The following RAC2 variants were observed in gnomAD, a reference collection of about 807,000 sequenced individuals.
RAC2 encodes Rac family small GTPase 2.
A neutral mutation model predicts 24.0 loss-of-function variants in RAC2; 1 was observed. The observed-to-expected ratio is 0.04, with a 90% confidence interval of 0.01 to 0.20. The LOEUF is 0.20. Ranked by LOEUF, RAC2 falls within the 10% of genes least tolerant of loss-of-function variation. RAC2 has a pLI of 1.00. For synonymous variants in RAC2, 114 were observed against 106.8 expected, an observed-to-expected ratio of 1.07 and a Z score of -0.41; for missense variants, 130 against 259.1, an observed-to-expected ratio of 0.50 and a Z score of 3.42.
Position 37,231,434 on chromosome 22 carries a change from G to A in RAC2, c.289-44C>T. 10 of 1,589,584 alleles carry A rather than the reference G, an allele frequency of 6.3e-6. No homozygotes were observed. The highest frequency in any genetic ancestry group is 3.3e-5 in the South Asian group (3 of 90,644). ...GGACACAAGGTTGTATGGGTCAAGA[G>A]GGGGCGCGAGGCTGTGCGGGGATCA... On this transcript the variant is annotated intron_variant, in intron 4 of 6. Transcript: ENST00000249071. This position sits in a 1 kb window ranked among gnomAD's most constrained non-coding sequence, Gnocchi z 5.5.
At chr22:37,240,282 G>A (rs1410891236) in intron 2 of RAC2, among the ~76,000 whole-genome samples, 2 of 152,214 alleles carry the variant, frequency 1.3e-5, no homozygotes, top group African/African-American at 2.4e-5. Context: ...TGAAAGGGGG[G>A]TTCATTAAGA....
intron 2 of RAC2, chr22:37,240,840 G>T (rs1200780106): frequency 5.0e-6 from 3 of 597,084 alleles, no homozygotes; most frequent in Non-Finnish European, 9.2e-6. Flanking sequence ...TGGGGAGAGA[G>T]AACAGCTTGA....
chr22:37,241,800 CCT>C (rs2145831475), intron 1 of RAC2, 142 bp from the exon 2 acceptor site: 3 of 748,342 alleles, frequency 4.0e-6, no homozygotes, highest in Admixed American at 2.0e-5. Flanking sequence ...TGAGATGCCC[CCT>C]GTCTGTGTTC....
intron 3 of RAC2, chr22:37,232,509 G>A: frequency 2.0e-6 from 1 of 490,770 alleles, no homozygotes; most frequent in Non-Finnish European, 3.7e-6. Flanking sequence ...CTGCCTCCTG[G>A]GGCCCTGTGC....
At chr22:37,230,503 A>G (rs1219863912) in intron 5 of RAC2, among the ~76,000 whole-genome samples, 2 of 152,136 alleles carry the variant, frequency 1.3e-5, no homozygotes, top group Admixed American at 1.3e-4. Flanking sequence ...AGCCAGACCC[A>G]TGGTCATCGC....
At chr22:37,232,245 T>G (rs1161097946) in intron 3 of RAC2, among the ~76,000 whole-genome samples, 1 of 152,238 alleles carries the variant, frequency 6.6e-6, no homozygotes, top group Admixed American at 6.5e-5. Context: ...CAGCAAGCAC[T>G]GCTGGTAGCC....
At chr22:37,241,528 T>A in intron 2 of RAC2, 59 bp downstream of exon 2, 3 of 1,533,596 alleles carry the variant, frequency 2.0e-6, no homozygotes, top group Non-Finnish European at 2.7e-6. Context: ...GAAAGGGGGG[T>A]CGACTTGGTG....
At chr22:37,241,689 G>C (rs371599545) in intron 1 of RAC2, 31 bp from the exon 2 acceptor site, 181 of 1,592,670 alleles carry the variant, frequency 1.1e-4, no homozygotes, top group Admixed American at 2.2e-4. Context: ...GAGGGCGGCG[G>C]TCATGGGCTC....
intron 1 of RAC2, among the ~76,000 whole-genome samples, chr22:37,243,008 G>GTT (rs79688282): frequency 6.6e-6 from 1 of 151,970 alleles, no homozygotes; most frequent in Non-Finnish European, 1.5e-5. Flanking sequence ...TTTATTTTGT[G>GTT]TTTTTTTAAG....
chr22:37,235,279 T>G (rs1927190499), intron 2 of RAC2, among the ~76,000 whole-genome samples: 1 of 152,028 alleles, frequency 6.6e-6, no homozygotes, highest in African/African-American at 2.4e-5. Context: ...CCTGGTTACC[T>G]CTCAGTTCCT....
At chr22:37,243,688 G>A (rs1330809462) in intron 1 of RAC2, among the ~76,000 whole-genome samples, 1 of 152,182 alleles carries the variant, frequency 6.6e-6, no homozygotes, top group African/African-American at 2.4e-5. Context: ...GCTGTGACTT[G>A]CCCAAGGCCA....
chr22:37,231,853 C>A lies in RAC2; in HGVS notation c.288+79G>T. The stretch of plus-strand genomic sequence containing the variant: ...CGACCTCTGCTGCCCCAGGGACCAG[C>A]CTAGAGTCACCAGTTCCTCCCTCTG... On this transcript the variant is annotated intron_variant, in intron 4 of 6. Coordinates refer to ENST00000249071, the MANE Select transcript of RAC2 (RefSeq NM_002872.5). The surrounding 1 kb of genome is among the most constrained non-coding windows in gnomAD (Gnocchi z 5.5). 6.7e-7 allele frequency: 1 copy of A among 1,487,564 alleles called. No individual in the cohort carries two copies. Among genetic ancestry groups the A allele is most frequent in the South Asian group, 1.2e-5 (1 of 82,810 alleles). 92.1% of individuals were successfully genotyped at this position (1,487,564 alleles called of 1,614,324 possible).
chr22:37,231,273 G>A lies in RAC2; in HGVS notation c.406C>T (p.Pro136Ser). 1 of 1,613,846 alleles carries A rather than the reference G, an allele frequency of 6.2e-7. No homozygotes were observed. Among genetic ancestry groups the A allele is most frequent in the South Asian group, 1.1e-5 (1 of 91,070 alleles). Residue 136 changes from proline (P) to serine (S), a missense_variant, in exon 5 of 7, where the codon CCC becomes TCC. Transcript: ENST00000249071. This position sits in a 1 kb window ranked among gnomAD's most constrained non-coding sequence, Gnocchi z 5.5. ...IEKLKEKKLAPITYPQGLALA... is the reference protein window; with the variant it reads ...IEKLKEKKLASITYPQGLALA... ...GCCAGGCCCTGCGGGTAGGTGATGG[G>A]AGCCAGCTTCTTCTCCTTCAGTTTC...
In RAC2 at chr22:37,226,808, T is replaced by G. The variant is rs1162415683; in HGVS notation, c.449-5A>C. Reference sequence around the variant, plus strand: ...ACTCCAGGTATTTCACCGAGTCTGGTTGGGGAGATGGACAGGAGAGCCAAG... The same window carrying G: ...ACTCCAGGTATTTCACCGAGTCTGGGTGGGGAGATGGACAGGAGAGCCAAG... On this transcript the variant is annotated splice_region_variant and splice_polypyrimidine_tract_variant and intron_variant, in intron 5 of 6. Transcript: ENST00000249071. 3 of 1,612,078 alleles carry G rather than the reference T, an allele frequency of 1.9e-6. No individual in the cohort carries two copies. Among genetic ancestry groups the G allele is most frequent in the Non-Finnish European group, 8.5e-7 (1 of 1,179,330 alleles).
At position 37,231,657 on chromosome 22, in the gene RAC2, T is replaced by C. The variant is rs1281128198; in HGVS notation, c.289-267A>G. On this transcript the variant is annotated intron_variant, in intron 4 of 6. Coordinates refer to ENST00000249071, the MANE Select transcript of RAC2 (RefSeq NM_002872.5). This position sits in a 1 kb window ranked among gnomAD's most constrained non-coding sequence, Gnocchi z 5.5. ...CAGACATAAGAAGCAAACATGAGGT[T>C]ATGTGACAATCGGAGGCGGACATGA... is the stretch of plus-strand genomic sequence containing the variant. Among the ~76,000 whole-genome samples, 1 of 151,684 alleles carries C rather than the reference T, an allele frequency of 6.6e-6. No homozygotes were observed. Among genetic ancestry groups the C allele is most frequent in the Non-Finnish European group, 1.5e-5 (1 of 67,892 alleles).
intron 2 of RAC2, chr22:37,241,294 C>A: frequency 1.5e-6 from 1 of 670,018 alleles, no homozygotes; most frequent in Non-Finnish European, 2.7e-6. Context: ...CCAGCTCCTG[C>A]TCTTGCCTGA....
At chr22:37,230,277 C>CTGGGGCGG in intron 5 of RAC2, among the ~76,000 whole-genome samples, 1 of 102,876 alleles carries the variant, frequency 9.7e-6, no homozygotes, top group Non-Finnish European at 2.1e-5. Context: ...TGGGGCGGGG[C>CTGGGGCGG]TGGGGCGGTG....
At chr22:37,243,890 C>T (rs1380889445) in intron 1 of RAC2, among the ~76,000 whole-genome samples, 1 of 152,204 alleles carries the variant, frequency 6.6e-6, no homozygotes, top group African/African-American at 2.4e-5. Context: ...GCACCCTCCA[C>T]CGAGATGGCT....
At chr22:37,234,918 T>C (rs750883485) in intron 2 of RAC2, among the ~76,000 whole-genome samples, 1 of 152,206 alleles carries the variant, frequency 6.6e-6, no homozygotes, top group Non-Finnish European at 1.5e-5. Context: ...GTCCTCTACC[T>C]GTAAAGAGCC....
Sources: allele counts gnomAD v4.1 joint callset (sites outside exome capture counted in the v4.1 genomes callset), GRCh38; gene constraint gnomAD v4.1.1; non-coding constraint Gnocchi (gnomAD v3.1); transcripts MANE v1.5; gene names NCBI Gene and HGNC (gene_info 2026-07-23, HGNC 2026-07-21).